ANKRD55: variants seen among roughly 807,000 people sequenced by gnomAD.
ANKRD55 encodes the protein ankyrin repeat domain 55, also known as ankyrin repeat domain-containing protein 55.
A neutral mutation model predicts 60.6 loss-of-function variants in ANKRD55; 41 were observed. The observed-to-expected ratio is 0.68, with a 90% CI of 0.53 to 0.88. ANKRD55 has a LOEUF of 0.88. Among genes scored for constraint, ANKRD55 ranks in the 40% least tolerant of loss-of-function variants. The pLI is 0.00. For missense variants in ANKRD55, 732 were observed against 767.6 expected (o/e 0.95, Z 0.55); for synonymous variants, 264 against 290.3 (o/e 0.91, Z 0.92).
chr5:56,100,623 G>T (rs977268647), intron 11 of ANKRD55, among the ~76,000 whole-genome samples: 6 of 152,134 alleles, frequency 3.9e-5, no homozygotes, highest in African/African-American at 1.2e-4. Context: ...TGCTCACAAG[G>T]TTCTAAAGAA....
At chr5:56,136,359 C>T (rs1366973595) in intron 7 of ANKRD55, among the ~76,000 whole-genome samples, 3 of 152,146 alleles carry the variant, frequency 2.0e-5, no homozygotes, top group Non-Finnish European at 4.4e-5. Flanking sequence ...TTAAGACTTA[C>T]TATAAAGCTA....
At chr5:56,139,611 A>G (rs1489958999) in intron 7 of ANKRD55, among the ~76,000 whole-genome samples, 5 of 152,208 alleles carry the variant, frequency 3.3e-5, no homozygotes, top group Non-Finnish European at 7.3e-5. Flanking sequence ...TTTATGATGT[A>G]TTGTGAGGAT....
rs1554036588 is a variant in ANKRD55 at position 56,112,511 on chromosome 5, A to AAAAAAAACAAAAAAAAAAAAAAAAC, written c.966-730_966-729insGTTTTTTTTTTTTTTTTGTTTTTTT. 4.0e-4 allele frequency among the ~76,000 whole-genome samples: 33 copies of AAAAAAAACAAAAAAAAAAAAAAAAC among 81,524 alleles called. 4 individuals are homozygous for AAAAAAAACAAAAAAAAAAAAAAAAC. Among genetic ancestry groups the AAAAAAAACAAAAAAAAAAAAAAAAC allele is most frequent in the African/African-American group, 1.8e-3 (33 of 18,534 alleles). The allele number at this position is 81,524 out of a possible 152,430, so 53.5% of individuals were successfully genotyped here. On this transcript the variant is annotated intron_variant, in intron 9 of 11. Transcript: ENST00000341048. ...GCAGGATCTCATCTCTAGCAAAAAA[A>AAAAAAAACAAAAAAAAAAAAAAAAC]AAAAAAAAAAACAACCAAGGAAAGA...
intron 7 of ANKRD55, among the ~76,000 whole-genome samples, chr5:56,131,263 A>T (rs1302164939): frequency 1.3e-5 from 2 of 152,218 alleles, no homozygotes; most frequent in Non-Finnish European, 2.9e-5. Context: ...AGCCAGAGGA[A>T]AAGAACACCT....
intron 2 of ANKRD55, among the ~76,000 whole-genome samples, chr5:56,225,725 C>A (rs1760094513): frequency 6.6e-6 from 1 of 152,092 alleles, no homozygotes; most frequent in African/African-American, 2.4e-5. Context: ...GAGTGAACTC[C>A]CATTCACAAT....
At chr5:56,200,013 G>A (rs1467821699) in intron 2 of ANKRD55, among the ~76,000 whole-genome samples, 7 of 152,062 alleles carry the variant, frequency 4.6e-5, no homozygotes, top group Non-Finnish European at 1.0e-4. Flanking sequence ...TATGAAATGT[G>A]TAAAAGTCCG....
chr5:56,221,201 T>A (rs1759956308), intron 2 of ANKRD55, among the ~76,000 whole-genome samples: 1 of 152,214 alleles, frequency 6.6e-6, no homozygotes, highest in Non-Finnish European at 1.5e-5. Flanking sequence ...TTCAGAGGAC[T>A]CCTTTGTTTG....
At chr5:56,177,188 T>A (rs899928794) in intron 3 of ANKRD55, among the ~76,000 whole-genome samples, 10 of 152,162 alleles carry the variant, frequency 6.6e-5, no homozygotes, top group Non-Finnish European at 1.0e-4. Flanking sequence ...GAGGGAGTGA[T>A]GAGCTTTGCA....
intron 6 of ANKRD55, among the ~76,000 whole-genome samples, chr5:56,145,242 G>A (rs187864790): frequency 3.9e-5 from 6 of 152,272 alleles, no homozygotes; most frequent in African/African-American, 1.2e-4. Context: ...TCTTCCCCTA[G>A]GGCACACAGT....
intron 11 of ANKRD55, among the ~76,000 whole-genome samples, chr5:56,100,714 T>C (rs1756246533): frequency 6.6e-6 from 1 of 152,212 alleles, no homozygotes; most frequent in African/African-American, 2.4e-5. Flanking sequence ...CTGTGGGCCC[T>C]TTCATTTCTT....
chr5:56,111,643 G>T lies in ANKRD55; in HGVS notation c.1105C>A (p.Arg369=). The part of the protein sequence containing the change: ...RAHQKDPSRD[R]YREEDTSEVN... ...TCTGAGGTGTCCTCCTCTCTGTATC[G>T]GTCCCTGCTGGGATCCTTCTGATGG... The change falls in exon 10 of 12, where the codon CGA becomes AGA. Residue 369 remains arginine (R), a synonymous_variant. Coordinates refer to ENST00000341048, the MANE Select transcript of ANKRD55 (RefSeq NM_024669.3). 2 of 1,547,626 alleles carry T rather than the reference G, an allele frequency of 1.3e-6. No individual in the cohort carries two copies. Among genetic ancestry groups the T allele is most frequent in the Non-Finnish European group, 1.7e-6 (2 of 1,153,110 alleles).
chr5:56,144,696 T>C (rs1351795027), intron 6 of ANKRD55, among the ~76,000 whole-genome samples: 2 of 152,236 alleles, frequency 1.3e-5, no homozygotes, highest in African/African-American at 4.8e-5. Flanking sequence ...AAGAAATCAC[T>C]GTGGCAGCTT....
intron 7 of ANKRD55, among the ~76,000 whole-genome samples, chr5:56,135,340 T>C (rs913503746): frequency 5.0e-5 from 1 of 20,076 alleles, no homozygotes; most frequent in East Asian, 4.4e-4. Flanking sequence ...TCTTTCTTTC[T>C]TTCTTTCTTT....
intron 2 of ANKRD55, among the ~76,000 whole-genome samples, chr5:56,224,513 C>T (rs1372657492): frequency 3.3e-5 from 5 of 152,006 alleles, no homozygotes; most frequent in African/African-American, 1.2e-4. Flanking sequence ...GAGATAGAGA[C>T]ACAAAAAACC....
intron 2 of ANKRD55, among the ~76,000 whole-genome samples, chr5:56,228,328 A>G (rs1760169854): frequency 6.6e-6 from 1 of 152,020 alleles, no homozygotes; most frequent in South Asian, 2.1e-4. Flanking sequence ...CCAAGTGAAG[A>G]TGGTGGCAGA....
intron 2 of ANKRD55, among the ~76,000 whole-genome samples, chr5:56,226,186 A>C (rs160001): frequency 0.36 from 54,250 of 151,890 alleles, 10,791 homozygotes; most frequent in East Asian, 0.84. Flanking sequence ...CACACATCTA[A>C]AACCATCTGA....
intron 3 of ANKRD55, among the ~76,000 whole-genome samples, chr5:56,178,016 C>T (rs1256449771): frequency 6.6e-6 from 1 of 152,038 alleles, no homozygotes; most frequent in Admixed American, 6.6e-5. Context: ...ATTGATTGAG[C>T]ATAATCACGT....
In ANKRD55 at chr5:56,162,773, G is replaced by A. The variant is rs1212374462; in HGVS notation, c.423-2880C>T. 3.3e-5 allele frequency among the ~76,000 whole-genome samples: 5 copies of A among 151,562 alleles called. No homozygotes were observed. In the East Asian group the frequency reaches 7.8e-4, roughly 24 times the overall value. On this transcript the variant is annotated intron_variant, in intron 5 of 11. Coordinates refer to ENST00000341048, the MANE Select transcript of ANKRD55 (RefSeq NM_024669.3). Reference sequence around the variant, plus strand: ...CAACCTGGACTTCCTGGGCTGAAGCGATTCATCCTCCTGCCTCAGTCTTCA... The same window carrying A: ...CAACCTGGACTTCCTGGGCTGAAGCAATTCATCCTCCTGCCTCAGTCTTCA...
At chr5:56,129,264 C>T (rs746203857) in intron 7 of ANKRD55, among the ~76,000 whole-genome samples, 21 of 151,996 alleles carry the variant, frequency 1.4e-4, no homozygotes, top group Non-Finnish European at 2.5e-4. Flanking sequence ...TAGGAAGAAT[C>T]GAGAGTAGGT....
Sources: allele counts gnomAD v4.1 joint callset (sites outside exome capture counted in the v4.1 genomes callset), GRCh38; gene constraint gnomAD v4.1.1; transcripts MANE v1.5; gene names NCBI Gene and HGNC (gene_info 2026-07-23, HGNC 2026-07-21).